The following LAMB1 variants were observed in gnomAD, a reference collection of about 807,000 sequenced individuals.
LAMB1 encodes laminin subunit beta-1.
A neutral mutation model predicts 222.3 loss-of-function variants in LAMB1; 121 were observed. That is an observed-to-expected ratio of 0.54 (90% CI 0.47 to 0.63). LAMB1 has a LOEUF of 0.63. Among genes scored for constraint, LAMB1 ranks in the 30% least tolerant of loss-of-function variants. LAMB1 has a pLI of 0.00. For missense variants in LAMB1, 2,172 were observed against 2,240.8 expected (o/e 0.97, Z 0.62); for synonymous variants, 794 against 807.2 (o/e 0.98, Z 0.28).
chr7:107,960,909 G>T (rs1357453477), intron 17 of LAMB1, among the ~76,000 whole-genome samples: 1 of 152,036 alleles, frequency 6.6e-6, no homozygotes, highest in Non-Finnish European at 1.5e-5. Context: ...GCCCAGGCTG[G>T]TCTTGAACTC....
chr7:108,002,909 A>G lies in LAMB1; in HGVS notation c.-24T>C. The G allele has an allele frequency of 6.2e-7, 1 of 1,613,474 alleles. No homozygotes were observed. The highest frequency in any genetic ancestry group is 8.5e-7 in the Non-Finnish European group (1 of 1,179,882). The stretch of plus-strand genomic sequence containing the variant: ...ATGCCGGCTCCCTGCAGCCACGGGG[A>G]CGCGGCAGAGGAGTGGAGAAGACGC... On this transcript the variant is annotated 5_prime_UTR_variant, in exon 2 of 34. Coordinates refer to ENST00000222399, the MANE Select transcript of LAMB1 (RefSeq NM_002291.3).
In LAMB1 at chr7:107,929,462, A is replaced by G. The variant is rs1475654020; in HGVS notation, c.4695T>C (p.Ala1565=). The G allele has an allele frequency of 1.1e-5, 17 of 1,614,206 alleles. No individual in the cohort carries two copies. Among genetic ancestry groups the G allele is most frequent in the Non-Finnish European group, 1.4e-5 (17 of 1,180,032 alleles). Residue 1565 remains alanine, a synonymous_variant, in exon 30 of 34, where the codon GCT becomes GCC. Coordinates refer to ENST00000222399, the MANE Select transcript of LAMB1 (RefSeq NM_002291.3). ...SQVEVILQHS[A]ADIARAEMLL... ...ACATCTCAGCTCTGGCAATGTCAGC[A>G]GCACTATGCTGAAGAATAACCTCTA... is the stretch of plus-strand genomic sequence containing the variant.
chr7:107,995,547 G>C (rs2034266158), intron 4 of LAMB1, among the ~76,000 whole-genome samples: 1 of 152,120 alleles, frequency 6.6e-6, no homozygotes, highest in African/African-American at 2.4e-5. Flanking sequence ...CAACGCCAGA[G>C]AAAAAAAGAA....
At chr7:107,954,910 C>CA (rs1443713176) in intron 21 of LAMB1, among the ~76,000 whole-genome samples, 1 of 152,032 alleles carries the variant, frequency 6.6e-6, no homozygotes, top group East Asian at 1.9e-4. Flanking sequence ...AAATTATATG[C>CA]AAAAAAATTT....
intron 5 of LAMB1, among the ~76,000 whole-genome samples, chr7:107,993,563 C>T (rs1038167708): frequency 6.6e-6 from 1 of 152,124 alleles, no homozygotes; most frequent in South Asian, 2.1e-4. Flanking sequence ...AAAACATGTG[C>T]CTAAAGGATT....
In LAMB1 at chr7:107,924,091, T is replaced by A. The variant is rs940295132; in HGVS notation, c.5225-4A>T. 4 of 1,434,414 alleles carry A rather than the reference T, an allele frequency of 2.8e-6. No homozygotes were observed. The highest frequency in any genetic ancestry group is 3.7e-6 in the Non-Finnish European group (4 of 1,084,542). The allele number at this position is 1,434,414 out of a possible 1,614,324, so 88.9% of individuals were successfully genotyped here. On this transcript the variant is annotated splice_region_variant and splice_polypyrimidine_tract_variant and intron_variant, in intron 33 of 33. Coordinates refer to ENST00000222399, the MANE Select transcript of LAMB1 (RefSeq NM_002291.3). ...TCTTCATATTTTCTTTCTAAATCTG[T>A]GGGGAGATATATATATATAAAGTCT...
At chr7:107,953,129 G>A (rs2033294629) in intron 22 of LAMB1, among the ~76,000 whole-genome samples, 3 of 152,144 alleles carry the variant, frequency 2.0e-5, no homozygotes, top group Admixed American at 1.3e-4. Context: ...GGCCGAGGCG[G>A]GTGGATCACC....
At chr7:107,950,995 G>A (rs1046301963) in intron 24 of LAMB1, 2 of 445,116 alleles carry the variant, frequency 4.5e-6, no homozygotes, top group Admixed American at 3.8e-5. Context: ...ACCCCAGGGT[G>A]TGAGGCCGGG....
intron 27 of LAMB1, among the ~76,000 whole-genome samples, chr7:107,933,715 G>T (rs1047754458): frequency 6.6e-6 from 1 of 152,036 alleles, no homozygotes; most frequent in African/African-American, 2.4e-5. Context: ...TGGCAGTAAA[G>T]AACTTACAGA....
chr7:107,984,916 C>T (rs546194080), intron 7 of LAMB1, among the ~76,000 whole-genome samples: 4 of 152,236 alleles, frequency 2.6e-5, no homozygotes, highest in Non-Finnish European at 2.9e-5. Context: ...GGGCATCATC[C>T]TGTATTTTAT....
intron 7 of LAMB1, among the ~76,000 whole-genome samples, chr7:107,982,397 T>G (rs2033989567): frequency 6.6e-6 from 1 of 152,184 alleles, no homozygotes; most frequent in Non-Finnish European, 1.5e-5. Context: ...TTCAAATGCT[T>G]TTAATACATG....
chr7:107,924,771 T>C lies in LAMB1; in HGVS notation c.5065-382A>G, dbSNP rs181984557. On this transcript the variant is annotated intron_variant, in intron 32 of 33. Transcript: ENST00000222399. Reference sequence around the variant, plus strand: ...GGAGGCTCTTTGGATCTTGACTAAATTAGGATTTGTGAAGACTTGCTTATA... The same window carrying C: ...GGAGGCTCTTTGGATCTTGACTAAACTAGGATTTGTGAAGACTTGCTTATA... 1.6e-3 allele frequency among the ~76,000 whole-genome samples: 239 copies of C among 152,146 alleles called. 1 individual carries two copies. Among genetic ancestry groups the C allele is most frequent in the Admixed American group, 0.014 (218 of 15,282 alleles).
chr7:107,964,912 C>T (rs2033598675), intron 13 of LAMB1, among the ~76,000 whole-genome samples: 1 of 152,208 alleles, frequency 6.6e-6, no homozygotes, highest in South Asian at 2.1e-4. Flanking sequence ...CCTCCCTTGC[C>T]CTCTCTTGAC....
chr7:107,966,794 G>A (rs1293888529), intron 13 of LAMB1, among the ~76,000 whole-genome samples: 1 of 152,172 alleles, frequency 6.6e-6, no homozygotes, highest in Non-Finnish European at 1.5e-5. Context: ...GCGCCAGCAG[G>A]CTCCCGGTGC....
At chr7:107,957,357 C>T (rs1186797306) in intron 20 of LAMB1, among the ~76,000 whole-genome samples, 5 of 152,116 alleles carry the variant, frequency 3.3e-5, no homozygotes, top group African/African-American at 7.2e-5. Context: ...CACCATTGCA[C>T]TCCAGCCTGA....
intron 22 of LAMB1, 129 bp from the exon 23 acceptor site, chr7:107,952,352 A>C (rs2033276696): frequency 1.5e-6 from 1 of 672,716 alleles, no homozygotes; most frequent in African/African-American, 1.8e-5. Context: ...GAAGGAAAGA[A>C]ATGGAGGTGA....
intron 15 of LAMB1, 70 bp from the exon 16 acceptor site, chr7:107,961,746 A>T: frequency 2.0e-6 from 3 of 1,505,432 alleles, no homozygotes; most frequent in Middle Eastern, 4.3e-4. Flanking sequence ...GACCTCTCTG[A>T]ATCAATCAAT....
chr7:107,958,809 A>G (rs1212604401), intron 20 of LAMB1, among the ~76,000 whole-genome samples: 1 of 152,206 alleles, frequency 6.6e-6, no homozygotes, highest in Non-Finnish European at 1.5e-5. Flanking sequence ...TGTTTTATAG[A>G]GTCTCCTGGA....
At chr7:107,946,325 C>G (rs1045614974) in intron 24 of LAMB1, among the ~76,000 whole-genome samples, 2 of 152,086 alleles carry the variant, frequency 1.3e-5, no homozygotes, top group Non-Finnish European at 2.9e-5. Flanking sequence ...TTTTTGGCCT[C>G]AGTAATATAG....
Sources: gnomAD v4.1 joint callset for allele counts (sites outside exome capture counted in the v4.1 genomes callset) on GRCh38, gnomAD v4.1.1 for gene constraint, MANE v1.5 for transcripts, NCBI Gene and HGNC (gene_info 2026-07-23, HGNC 2026-07-21) for gene names.